LRRTM4: variants seen among roughly 807,000 people sequenced by gnomAD.
LRRTM4 encodes leucine-rich repeat transmembrane neuronal protein 4.
Under a neutral mutation model 47.6 loss-of-function variants are expected in LRRTM4, and 25 were observed. The observed-to-expected ratio is 0.53, with a 90% CI of 0.38 to 0.73. The LOEUF (loss-of-function observed/expected upper bound fraction) is 0.73. Ranked by LOEUF, LRRTM4 falls within the 30% of genes least tolerant of loss-of-function variation. The pLI, the probability that LRRTM4 is intolerant of heterozygous loss-of-function variation, is 0.00. For missense variants in LRRTM4, 638 were observed against 713.4 expected (o/e 0.89, Z 1.20); for synonymous variants, 311 against 269.5 (o/e 1.15, Z -1.51).
chr2:77,514,950 CA>C (rs1679152808), intron 3 of LRRTM4, among the ~76,000 whole-genome samples: 1 of 151,868 alleles, frequency 6.6e-6, no homozygotes, highest in Non-Finnish European at 1.5e-5. Context: ...TGCCAAGCTT[CA>C]CAAGCTATTT....
At chr2:77,217,220 A>G (rs1674473453) in intron 3 of LRRTM4, among the ~76,000 whole-genome samples, 1 of 151,292 alleles carries the variant, frequency 6.6e-6, no homozygotes, top group African/African-American at 2.4e-5. Context: ...CAACCATTTT[A>G]TCCTTTTGTA....
At chr2:77,035,328 G>A (rs919528497) in intron 3 of LRRTM4, among the ~76,000 whole-genome samples, 5 of 151,162 alleles carry the variant, frequency 3.3e-5, no homozygotes, top group South Asian at 4.2e-4. Flanking sequence ...AAGTTCCCCC[G>A]ATGATAATAT....
chr2:76,951,193 A>G (rs761780961), intron 3 of LRRTM4, among the ~76,000 whole-genome samples: 2 of 152,192 alleles, frequency 1.3e-5, no homozygotes, highest in South Asian at 4.1e-4. Context: ...AGCATCAAGG[A>G]ACAATAAAGC....
At chr2:77,448,540 A>G (rs1431328126) in intron 3 of LRRTM4, among the ~76,000 whole-genome samples, 1 of 151,914 alleles carries the variant, frequency 6.6e-6, no homozygotes. Context: ...TCAAATTACC[A>G]TCATCTGATG....
chr2:77,163,621 G>C (rs921717484), intron 3 of LRRTM4, among the ~76,000 whole-genome samples: 1 of 150,876 alleles, frequency 6.6e-6, no homozygotes, highest in Non-Finnish European at 1.5e-5. Flanking sequence ...GACTAACAGC[G>C]GATCTGTTAC....
At chr2:77,138,795 C>T (rs895724220) in intron 3 of LRRTM4, among the ~76,000 whole-genome samples, 6 of 152,086 alleles carry the variant, frequency 3.9e-5, no homozygotes, top group Non-Finnish European at 8.8e-5. Context: ...GGGGATATCA[C>T]CACCGATCCC....
intron 3 of LRRTM4, among the ~76,000 whole-genome samples, chr2:77,102,963 A>G (rs1280153975): frequency 6.6e-6 from 1 of 152,202 alleles, no homozygotes; most frequent in Non-Finnish European, 1.5e-5. Flanking sequence ...TGGAAAGCCT[A>G]CCATATATAC....
At chr2:77,484,096 G>C (rs954185265) in intron 3 of LRRTM4, among the ~76,000 whole-genome samples, 3 of 152,168 alleles carry the variant, frequency 2.0e-5, no homozygotes, top group African/African-American at 7.2e-5. Context: ...TATTTTAGTG[G>C]TTTGAGCCTA....
chr2:77,122,233 T>C (rs144657730), intron 3 of LRRTM4, among the ~76,000 whole-genome samples: 96 of 151,816 alleles, frequency 6.3e-4, no homozygotes, highest in African/African-American at 2.1e-3. Flanking sequence ...TTAAATCTAA[T>C]ACTATATGTA....
At chr2:77,333,970 C>A (rs948285016) in intron 3 of LRRTM4, among the ~76,000 whole-genome samples, 5 of 152,200 alleles carry the variant, frequency 3.3e-5, no homozygotes, top group African/African-American at 9.6e-5. Flanking sequence ...TCAACATGAC[C>A]TGAATGTGAG....
intron 3 of LRRTM4, among the ~76,000 whole-genome samples, chr2:77,255,294 G>A (rs964045007): frequency 6.6e-6 from 1 of 151,896 alleles, no homozygotes; most frequent in African/African-American, 2.4e-5. Flanking sequence ...AGATTGAAAG[G>A]AGAAATAGGC....
chr2:77,335,235 C>T (rs1017558091), intron 3 of LRRTM4, among the ~76,000 whole-genome samples: 3 of 152,194 alleles, frequency 2.0e-5, no homozygotes, highest in African/African-American at 7.2e-5. Context: ...CTCCAAATCA[C>T]TTCCCACTTA....
rs559090842 is a variant in LRRTM4 at position 77,403,541 on chromosome 2, A to C, written c.1551+114777T>G. 8.3e-4 allele frequency among the ~76,000 whole-genome samples: 126 copies of C among 151,904 alleles called. 1 individual carries two copies. The highest frequency in any genetic ancestry group is 2.9e-3 in the African/African-American group (122 of 41,510). On this transcript the variant is annotated intron_variant, in intron 3 of 3. Transcript: ENST00000409884. ...GTATATAAACATATATTTAAAAATA[A>C]GTTCACCATCAAATATATTGATTTT... is the stretch of plus-strand genomic sequence containing the variant.
At chr2:76,803,388 C>G (rs1000229398) in intron 3 of LRRTM4, among the ~76,000 whole-genome samples, 7 of 151,850 alleles carry the variant, frequency 4.6e-5, no homozygotes, top group Non-Finnish European at 8.8e-5. Context: ...AAATTTAAAC[C>G]AAAATGAGAT....
At chr2:77,157,387 A>G (rs1672588439) in intron 3 of LRRTM4, among the ~76,000 whole-genome samples, 1 of 152,220 alleles carries the variant, frequency 6.6e-6, no homozygotes, top group Non-Finnish European at 1.5e-5. Flanking sequence ...TTAAAGGCCA[A>G]GAAGATAACA....
chr2:77,426,296 A>G (rs1013039629), intron 3 of LRRTM4, among the ~76,000 whole-genome samples: 2 of 152,088 alleles, frequency 1.3e-5, no homozygotes, highest in Non-Finnish European at 1.5e-5. Context: ...CCCTTAATGT[A>G]TCTACAATAG....
chr2:76,977,282 A>G (rs1254476566), intron 3 of LRRTM4, among the ~76,000 whole-genome samples: 2 of 149,226 alleles, frequency 1.3e-5, no homozygotes, highest in Non-Finnish European at 3.0e-5. Context: ...TTTTTTTTTC[A>G]TATTTGAAAT....
intron 3 of LRRTM4, among the ~76,000 whole-genome samples, chr2:77,374,048 G>A (rs905520011): frequency 2.0e-5 from 3 of 151,764 alleles, no homozygotes; most frequent in African/African-American, 7.3e-5. Context: ...GCTAAGATCT[G>A]AAGCTAGAGG....
intron 3 of LRRTM4, among the ~76,000 whole-genome samples, chr2:77,457,407 C>A: frequency 6.6e-6 from 1 of 151,862 alleles, no homozygotes; most frequent in African/African-American, 2.4e-5. Flanking sequence ...GTACATAATT[C>A]AATTATCTAT....
Sources: allele counts gnomAD v4.1 joint callset (sites outside exome capture counted in the v4.1 genomes callset), GRCh38; gene constraint gnomAD v4.1.1; transcripts MANE v1.5; gene names NCBI Gene and HGNC (gene_info 2026-07-23, HGNC 2026-07-21).